Variants in HIVEP3 observed in about 807,000 individuals in gnomAD.
HIVEP3 encodes HIVEP zinc finger 3.
HIVEP3 carries 49 observed loss-of-function variants against 152.8 expected under a neutral mutation model. The ratio of observed to expected loss-of-function variants is 0.32; its 90% CI spans 0.26 to 0.41. The LOEUF (loss-of-function observed/expected upper bound fraction) is 0.41. Ranked by LOEUF, HIVEP3 falls within the 10% of genes least tolerant of loss-of-function variation. HIVEP3 has a pLI of 1.00. For synonymous variants in HIVEP3, 1,269 were observed against 1,289.0 expected (o/e 0.98, Z 0.33); for missense variants, 2,790 against 3,103.3 (o/e 0.90, Z 2.40).
intron 6 of HIVEP3, 79 bp from the exon 7 acceptor site, chr1:41,518,567 C>T: frequency 7.4e-7 from 1 of 1,344,204 alleles, no homozygotes; most frequent in Non-Finnish European, 1.1e-6. Flanking sequence ...GAGGTAGCAC[C>T]TGGCCGGCAG....
At chr1:41,895,062 A>G (rs1012124590) in intron 1 of HIVEP3, among the ~76,000 whole-genome samples, 5 of 151,920 alleles carry the variant, frequency 3.3e-5, no homozygotes, top group Non-Finnish European at 5.9e-5. Context: ...AAAAGTAAGG[A>G]AGTCATAAGA....
chr1:41,715,592 A>G (rs1329355047), intron 1 of HIVEP3, among the ~76,000 whole-genome samples: 1 of 152,214 alleles, frequency 6.6e-6, no homozygotes, highest in Non-Finnish European at 1.5e-5. Context: ...GATTAGAAAG[A>G]GGCCTGGTAT....
At chr1:41,523,953 T>TAGGAG (rs1251071170) in intron 6 of HIVEP3, among the ~76,000 whole-genome samples, 1 of 152,226 alleles carries the variant, frequency 6.6e-6, no homozygotes, top group Admixed American at 6.5e-5. Context: ...TATCCTGCAG[T>TAGGAG]AGGAGAGTGC....
At chr1:41,910,750 T>A (rs1264003910) in intron 1 of HIVEP3, among the ~76,000 whole-genome samples, 1 of 151,856 alleles carries the variant, frequency 6.6e-6, no homozygotes, top group African/African-American at 2.4e-5. Flanking sequence ...ATTATATAAA[T>A]CTCAATAAAT....
intron 1 of HIVEP3, among the ~76,000 whole-genome samples, chr1:41,953,323 G>T (rs1332288141): frequency 6.6e-6 from 1 of 152,148 alleles, no homozygotes; most frequent in African/African-American, 2.4e-5. Context: ...CAGATCTGTG[G>T]CCTGCTAGCT....
intron 2 of HIVEP3, among the ~76,000 whole-genome samples, chr1:41,666,067 C>T (rs941130359): frequency 6.6e-6 from 1 of 152,012 alleles, no homozygotes; most frequent in African/African-American, 2.4e-5. Flanking sequence ...ATCCCCATTG[C>T]TGTGCTTTCC....
intron 2 of HIVEP3, among the ~76,000 whole-genome samples, chr1:41,648,941 T>C (rs1443082267): frequency 1.3e-5 from 2 of 152,232 alleles, no homozygotes; most frequent in Admixed American, 6.5e-5. Context: ...CAGTGCTGCA[T>C]AGTTGATGGC....
intron 5 of HIVEP3, among the ~76,000 whole-genome samples, chr1:41,574,629 A>T (rs1432647659): frequency 6.6e-6 from 1 of 152,146 alleles, no homozygotes; most frequent in Non-Finnish European, 1.5e-5. Flanking sequence ...GTGCTAGAGG[A>T]TCAGAGGCCC....
At chr1:41,555,606 C>T (rs1643954276) in intron 5 of HIVEP3, among the ~76,000 whole-genome samples, 1 of 152,232 alleles carries the variant, frequency 6.6e-6, no homozygotes, top group Non-Finnish European at 1.5e-5. Context: ...CAGACCACAG[C>T]TGTTCCTATT....
At chr1:41,574,490 C>A (rs1644298101) in intron 5 of HIVEP3, among the ~76,000 whole-genome samples, 1 of 152,142 alleles carries the variant, frequency 6.6e-6, no homozygotes, top group Non-Finnish European at 1.5e-5. Context: ...CCTGAGAGCC[C>A]CTGCTGGTCA....
At chr1:41,911,946 T>C (rs1423023369) in intron 1 of HIVEP3, among the ~76,000 whole-genome samples, 5 of 152,180 alleles carry the variant, frequency 3.3e-5, no homozygotes, top group African/African-American at 4.8e-5. Flanking sequence ...CCAACTGATA[T>C]GGAAATATTC....
intron 5 of HIVEP3, among the ~76,000 whole-genome samples, chr1:41,536,934 T>C (rs1643415846): frequency 6.6e-6 from 1 of 152,150 alleles, no homozygotes; most frequent in African/African-American, 2.4e-5. Context: ...GGCTACAAGG[T>C]TCATGTGCTT....
At position 41,666,120 on chromosome 1, in the gene HIVEP3, TGC is replaced by T. The variant is rs1325615642; in HGVS notation, c.-721+34794_-721+34795del. On this transcript the variant is annotated intron_variant, in intron 2 of 8. Coordinates refer to ENST00000372583, the MANE Select transcript of HIVEP3 (RefSeq NM_024503.5). The stretch of plus-strand genomic sequence containing the variant: ...GTTGTTTTCCTGTTTGGGGTGTGTG[TGC>T]GTGTGTGTGTGTGTGTGTGTATGTG... 1.2e-4 allele frequency among the ~76,000 whole-genome samples: 16 copies of T among 131,928 alleles called. No individual in the cohort carries two copies. In the East Asian group the frequency reaches 3.5e-3, roughly 29 times the overall value. 86.5% of individuals were successfully genotyped at this position (131,928 alleles called of 152,430 possible).
intron 1 of HIVEP3, among the ~76,000 whole-genome samples, chr1:41,720,621 CT>C (rs1646660942): frequency 6.6e-6 from 1 of 152,218 alleles, no homozygotes; most frequent in African/African-American, 2.4e-5. Flanking sequence ...GGTGCAGCCA[CT>C]ATGGGGAACA....
chr1:41,529,805 CCCA>C (rs1304431713), intron 5 of HIVEP3, among the ~76,000 whole-genome samples: 2 of 149,544 alleles, frequency 1.3e-5, no homozygotes, highest in Admixed American at 6.7e-5. Context: ...TACACATAAC[CCCA>C]CAATCACACA....
intron 6 of HIVEP3, among the ~76,000 whole-genome samples, chr1:41,520,032 G>A (rs1271362150): frequency 6.6e-6 from 1 of 152,186 alleles, no homozygotes; most frequent in Non-Finnish European, 1.5e-5. Flanking sequence ...GGATGGGTGG[G>A]AGGACAAATG....
Position 41,580,600 on chromosome 1 carries a change from C to A in HIVEP3, c.4198G>T (p.Val1400Leu). The change falls in exon 4 of 9, where the codon GTG (valine) becomes TTG (leucine). Residue 1400 changes from valine (V) to leucine (L), a missense_variant. Val to Leu is a conservative substitution (Grantham distance 32, BLOSUM62 1). This residue lies in a region of HIVEP3 where 1,078 missense variants were observed against 1,165.3 expected (regional missense o/e 0.93). Coordinates refer to ENST00000372583, the MANE Select transcript of HIVEP3 (RefSeq NM_024503.5). ...AFPTPYLRVP[V>L]TLPERKGTSL... ...GTGCCTTTTCTTTCAGGTAATGTCA[C>A]AGGCACTCTCAGGTATGGAGTTGGG... is the stretch of plus-strand genomic sequence containing the variant. The A allele has an allele frequency of 6.2e-7, 1 of 1,614,184 alleles. No individual in the cohort carries two copies. Among genetic ancestry groups the A allele is most frequent in the Non-Finnish European group, 8.5e-7 (1 of 1,180,040 alleles).
intron 1 of HIVEP3, among the ~76,000 whole-genome samples, chr1:41,834,313 A>C (rs1488824870): frequency 6.6e-6 from 1 of 152,152 alleles, no homozygotes; most frequent in East Asian, 1.9e-4. Context: ...TCTCAGGGGA[A>C]GGGGGAATAT....
At chr1:41,834,372 CTCTG>C (rs1292471740) in intron 1 of HIVEP3, among the ~76,000 whole-genome samples, 1 of 152,194 alleles carries the variant, frequency 6.6e-6, no homozygotes, top group East Asian at 1.9e-4. Context: ...GTTCTGTGGG[CTCTG>C]TCTGGCTGCC....
Sources: gnomAD v4.1 joint callset for allele counts (sites outside exome capture counted in the v4.1 genomes callset) on GRCh38, gnomAD v4.1.1 for gene constraint, gnomAD v4.1.1 regional missense constraint, MANE v1.5 for transcripts, NCBI Gene and HGNC (gene_info 2026-07-23, HGNC 2026-07-21) for gene names.